Variants in RHPN2 observed in about 807,000 individuals in gnomAD.
RHPN2 encodes the protein rhophilin Rho GTPase binding protein 2, also known as rhophilin-2.
A neutral mutation model predicts 79.0 loss-of-function variants in RHPN2; 40 were observed. That is an observed-to-expected ratio of 0.51 (90% CI 0.39 to 0.66). The LOEUF is 0.66. RHPN2 is among the 30% of genes least tolerant of loss of function. RHPN2 has a pLI of 0.00. For synonymous variants in RHPN2, 285 were observed against 363.5 expected, an observed-to-expected ratio of 0.78 and a Z score of 2.46; for missense variants, 686 against 883.5, an observed-to-expected ratio of 0.78 and a Z score of 2.83.
chr19:33,033,298 G>C (rs145210597), intron 2 of RHPN2, among the ~76,000 whole-genome samples: 5 of 152,296 alleles, frequency 3.3e-5, no homozygotes, highest in African/African-American at 1.2e-4. Context: ...GGGCACAGAG[G>C]TTCACACCTG....
chr19:33,020,902 C>T (rs1971918954), intron 4 of RHPN2, among the ~76,000 whole-genome samples: 1 of 152,158 alleles, frequency 6.6e-6, no homozygotes, highest in Non-Finnish European at 1.5e-5. Context: ...GCAATGCTGG[C>T]AGTATGTTCT....
intron 2 of RHPN2, chr19:33,026,877 C>T (rs1971972183): frequency 2.2e-6 from 1 of 454,162 alleles, no homozygotes; most frequent in Admixed American, 3.2e-5. Flanking sequence ...TCTATGACAT[C>T]CTGCAAACAC....
chr19:33,020,463 G>A (rs1038087554), intron 4 of RHPN2, among the ~76,000 whole-genome samples: 4 of 150,526 alleles, frequency 2.7e-5, no homozygotes, highest in Non-Finnish European at 5.9e-5. Flanking sequence ...GAGTAACTAG[G>A]ATTACAGGCA....
intron 4 of RHPN2, among the ~76,000 whole-genome samples, chr19:33,015,111 C>T (rs187834810): frequency 3.3e-5 from 5 of 151,696 alleles, no homozygotes; most frequent in African/African-American, 1.2e-4. Flanking sequence ...GGTAGATTAA[C>T]GTACTTAGTG....
At chr19:33,054,880 G>T (rs893669260) in intron 1 of RHPN2, among the ~76,000 whole-genome samples, 1 of 152,196 alleles carries the variant, frequency 6.6e-6, no homozygotes, top group African/African-American at 2.4e-5. Flanking sequence ...AGTTCATCAC[G>T]TTGTCTCTCC....
At chr19:33,020,771 G>C (rs1484323902) in intron 4 of RHPN2, among the ~76,000 whole-genome samples, 4 of 152,200 alleles carry the variant, frequency 2.6e-5, no homozygotes, top group Non-Finnish European at 5.9e-5. Flanking sequence ...AAAGTGCTGG[G>C]ATTACAGGCG....
rs188298587 is a variant in RHPN2, at chr19:33,008,508, G to A, written c.594-328C>T. 6.7e-3 allele frequency among the ~76,000 whole-genome samples: 1,021 copies of A among 151,802 alleles called. 8 individuals are homozygous for A. The highest frequency in any genetic ancestry group is 0.011 in the Non-Finnish European group (768 of 67,950). On this transcript the variant is annotated intron_variant, in intron 6 of 14. Coordinates refer to ENST00000254260, the MANE Select transcript of RHPN2 (RefSeq NM_033103.5). ...GGGTTGGCTGGGTGCGGTGGCTCAC[G>A]CCTGTAATGCCAGCACTTTGGGAGG...
intron 14 of RHPN2, among the ~76,000 whole-genome samples, chr19:32,982,477 A>T (rs1241042398): frequency 6.6e-6 from 1 of 152,168 alleles, no homozygotes; most frequent in Admixed American, 6.6e-5. Context: ...GCAGCAATAA[A>T]GTAGGGGGTA....
At chr19:32,991,574 G>A (rs1393143465) in intron 13 of RHPN2, among the ~76,000 whole-genome samples, 3 of 152,010 alleles carry the variant, frequency 2.0e-5, no homozygotes, top group African/African-American at 7.2e-5. Flanking sequence ...AGAAGCTGCA[G>A]TGAGCCCTGA....
intron 1 of RHPN2, among the ~76,000 whole-genome samples, chr19:33,055,880 A>T (rs1168239741): frequency 2.6e-5 from 4 of 152,074 alleles, no homozygotes; most frequent in Admixed American, 2.6e-4. Flanking sequence ...TGAACAAGAA[A>T]CAACTTCTCC....
intron 2 of RHPN2, among the ~76,000 whole-genome samples, chr19:33,043,243 G>GA (rs940344645): frequency 3.3e-5 from 5 of 151,070 alleles, no homozygotes; most frequent in African/African-American, 4.9e-5. Context: ...AACTCCATCT[G>GA]AAAAAAAAGA....
chr19:32,983,642 T>C (rs1971594573), intron 14 of RHPN2, among the ~76,000 whole-genome samples: 1 of 149,502 alleles, frequency 6.7e-6, no homozygotes, highest in Non-Finnish European at 1.5e-5. Context: ...TTTTTTTTTT[T>C]TTTTTTGAGA....
chr19:32,988,209 C>CA (rs1372143002), intron 14 of RHPN2, among the ~76,000 whole-genome samples: 1 of 141,322 alleles, frequency 7.1e-6, no homozygotes, highest in Admixed American at 6.8e-5. Context: ...AAAACAACAA[C>CA]AACAAAAAAA....
At position 33,044,496 on chromosome 19, in the gene RHPN2, T is replaced by C. The variant is rs1972126489; in HGVS notation, c.70-132A>G. The stretch of plus-strand genomic sequence containing the variant: ...AACAAAGCATCTACATAGAAAATAT[T>C]GAAAAGTATAAAGAAAAGTCGCTCA... On this transcript the variant is annotated intron_variant, in intron 1 of 14. Transcript: ENST00000254260. 6.9e-6 allele frequency: 5 copies of C among 724,074 alleles called. No homozygotes were observed. The South Asian group carries it at 7.8e-5, about 11-fold the overall frequency. The allele number at this position is 724,074 out of a possible 1,614,324, so 44.9% of individuals were successfully genotyped here.
At chr19:33,012,837 CTT>C in intron 4 of RHPN2, 113 bp from the exon 5 acceptor site, 1 of 681,532 alleles carries the variant, frequency 1.5e-6, no homozygotes, top group Middle Eastern at 2.4e-4. Context: ...TAAAGAAAAA[CTT>C]ATAGTGATTT....
chr19:32,999,528 GAGC>G, intron 10 of RHPN2, 55 bp downstream of exon 10: 1 of 1,587,440 alleles, frequency 6.3e-7, no homozygotes, highest in Non-Finnish European at 8.6e-7. Context: ...GGCTGGCTGT[GAGC>G]AGGACCAGCT....
chr19:32,991,506 C>T, intron 13 of RHPN2: 1 of 361,408 alleles, frequency 2.8e-6, no homozygotes, highest in Non-Finnish European at 5.2e-6. Context: ...GTGGCACGTG[C>T]CTGTAATCCC....
At chr19:32,995,981 C>A (rs371713134) in intron 11 of RHPN2, 45 bp downstream of exon 11, 2 of 1,602,876 alleles carry the variant, frequency 1.2e-6, no homozygotes, top group African/African-American at 2.7e-5. Context: ...ACTCTTTCCG[C>A]GGCACAGGCA....
chr19:32,994,591 G>A (rs1349217405), intron 11 of RHPN2, among the ~76,000 whole-genome samples: 1 of 152,106 alleles, frequency 6.6e-6, no homozygotes, highest in Admixed American at 6.6e-5. Context: ...TGGGACCAAG[G>A]AGTGATAACC....
Sources: allele counts gnomAD v4.1 joint callset (sites outside exome capture counted in the v4.1 genomes callset), GRCh38; gene constraint gnomAD v4.1.1; transcripts MANE v1.5; gene names NCBI Gene and HGNC (gene_info 2026-07-23, HGNC 2026-07-21).